The following PPP1R12B variants were observed in gnomAD, a reference collection of about 807,000 sequenced individuals.
PPP1R12B encodes the protein protein phosphatase 1 regulatory subunit 12B, also known as myosin phosphatase target subunit 2.
In PPP1R12B, 76 loss-of-function variants were observed where a neutral mutation model predicts 126.1. That is an observed-to-expected ratio of 0.60 (90% CI 0.50 to 0.73). PPP1R12B has a LOEUF of 0.73. Ranked by LOEUF, PPP1R12B falls within the 30% of genes least tolerant of loss-of-function variation. The pLI, the probability that PPP1R12B is intolerant of heterozygous loss-of-function variation, is 0.00. For synonymous variants in PPP1R12B, 356 were observed against 434.7 expected (o/e 0.82, Z 2.25); for missense variants, 1,052 against 1,205.1 (o/e 0.87, Z 1.88).
chr1:202,550,412 C>T (rs1244065896), intron 18 of PPP1R12B, among the ~76,000 whole-genome samples: 3 of 152,064 alleles, frequency 2.0e-5, no homozygotes, highest in Non-Finnish European at 4.4e-5. Flanking sequence ...TGGGGAGAGA[C>T]CTGGAATCTC....
chr1:202,528,729 T>G (rs72748790), intron 18 of PPP1R12B, among the ~76,000 whole-genome samples: 2,284 of 151,992 alleles, frequency 0.015, 22 homozygotes, highest in South Asian at 0.036. Flanking sequence ...GAAAGGTTTT[T>G]TTTTTGTTTT....
Position 202,590,732 on chromosome 1 carries a change from CG to C in PPP1R12B, c.*10177del. ...CAAGCAGAAGTGGGAATGAGAGGGCCGGGGGCAAGGGCTGTACATGTGTCCT... is the reference window on the plus strand; with the variant it reads ...CAAGCAGAAGTGGGAATGAGAGGGCCGGGGCAAGGGCTGTACATGTGTCCT... On this transcript the variant is annotated 3_prime_UTR_variant, in exon 24 of 24. Transcript: ENST00000608999. 1 of 151,786 alleles carries C rather than the reference CG, an allele frequency of 6.6e-6. No individual in the cohort carries two copies. Among genetic ancestry groups the C allele is most frequent in the Non-Finnish European group, 1.5e-5 (1 of 68,022 alleles). 9.4% of individuals were successfully genotyped at this position (151,786 alleles called of 1,614,324 possible).
chr1:202,387,800 A>G (rs1171505841), intron 1 of PPP1R12B, among the ~76,000 whole-genome samples: 1 of 152,178 alleles, frequency 6.6e-6, no homozygotes, highest in East Asian at 1.9e-4. Flanking sequence ...AGTTTAATCT[A>G]GTGTCGTAGG....
At chr1:202,369,017 C>G (rs987489789) in intron 1 of PPP1R12B, among the ~76,000 whole-genome samples, 1 of 152,146 alleles carries the variant, frequency 6.6e-6, no homozygotes, top group African/African-American at 2.4e-5. Flanking sequence ...TATGCCCAGC[C>G]AAGGAACCAT....
intron 9 of PPP1R12B, 145 bp downstream of exon 9, chr1:202,434,913 G>GA: frequency 7.2e-7 from 1 of 1,379,552 alleles, no homozygotes. Flanking sequence ...AAAAACACAG[G>GA]CTGGGTGGCT....
At chr1:202,418,268 C>T (rs1038953326) in intron 2 of PPP1R12B, among the ~76,000 whole-genome samples, 1 of 152,144 alleles carries the variant, frequency 6.6e-6, no homozygotes, top group African/African-American at 2.4e-5. Flanking sequence ...ATTTATAGAA[C>T]ATGTTGGCCT....
At chr1:202,349,833 T>C (rs1303385545) in intron 1 of PPP1R12B, among the ~76,000 whole-genome samples, 2 of 152,186 alleles carry the variant, frequency 1.3e-5, no homozygotes, top group Admixed American at 6.5e-5. Flanking sequence ...TATTTTTTTT[T>C]CTAAAGTGCT....
rs374022796 is a variant in PPP1R12B, at chr1:202,413,636, G to A, written c.292-3151G>A. ...CGTTACTAAGAAATTTTTAAAATATGTAGTTATTAAATATGTACTTATTAA... is the reference window on the plus strand; with the variant it reads ...CGTTACTAAGAAATTTTTAAAATATATAGTTATTAAATATGTACTTATTAA... On this transcript the variant is annotated intron_variant, in intron 1 of 23. Coordinates refer to ENST00000608999, the MANE Select transcript of PPP1R12B (RefSeq NM_002481.4). Among the ~76,000 whole-genome samples the A allele has an allele frequency of 2.0e-4, 31 of 152,150 alleles. No individual in the cohort carries two copies. The South Asian group carries it at 3.7e-3, about 18-fold the overall frequency.
At position 202,564,541 on chromosome 1, in the gene PPP1R12B, G is replaced by A. The variant is rs1473817661; in HGVS notation, c.2751G>A (p.Val917=). ...LADIKSKLEK[V]AQQKQEKTSD... ...ATATAAAGTCCAAGCTTGAGAAGGT[G>A]GCCCAGGTAAGACGGAAGAAGAAGA... is the stretch of plus-strand genomic sequence containing the variant. The change falls in exon 21 of 24, where the codon GTG becomes GTA. Residue 917 remains valine, a synonymous_variant. Coordinates refer to ENST00000608999, the MANE Select transcript of PPP1R12B (RefSeq NM_002481.4). 3 of 1,608,684 alleles carry A rather than the reference G, an allele frequency of 1.9e-6. No individual in the cohort carries two copies. Among genetic ancestry groups the A allele is most frequent in the Non-Finnish European group, 2.5e-6 (3 of 1,176,562 alleles).
chr1:202,430,896 C>T (rs1404720644), intron 7 of PPP1R12B, 86 bp downstream of exon 7: 3 of 1,516,738 alleles, frequency 2.0e-6, no homozygotes, highest in African/African-American at 1.4e-5. Context: ...AGTGAAGAAA[C>T]TCTGTGTTTG....
rs114150165 is a variant in PPP1R12B at position 202,378,458 on chromosome 1, C to T, written c.291+29316C>T. Reference sequence around the variant, plus strand: ...GTCATCGCAGACTTCCTAAATGCCACGCCTTATCATCCTTCTAATTCTTTT... The same window carrying T: ...GTCATCGCAGACTTCCTAAATGCCATGCCTTATCATCCTTCTAATTCTTTT... On this transcript the variant is annotated intron_variant, in intron 1 of 23. Coordinates refer to ENST00000608999, the MANE Select transcript of PPP1R12B (RefSeq NM_002481.4). Among the ~76,000 whole-genome samples the T allele has an allele frequency of 7.8e-3, 1,183 of 152,110 alleles. 9 individuals carry two copies. The highest frequency in any genetic ancestry group is 0.011 in the Non-Finnish European group (775 of 67,968).
chr1:202,367,829 C>A (rs1269263357), intron 1 of PPP1R12B, among the ~76,000 whole-genome samples: 2 of 152,072 alleles, frequency 1.3e-5, no homozygotes, highest in Non-Finnish European at 2.9e-5. Flanking sequence ...ATCTGTCCCC[C>A]GCAAATCTCA....
In PPP1R12B at chr1:202,588,407, C is replaced by G. The variant is rs936187047; in HGVS notation, c.*7847C>G. On this transcript the variant is annotated 3_prime_UTR_variant, in exon 24 of 24. Transcript: ENST00000608999. ...TGTATTTTTATGCAATTTTGAGTGG[C>G]CTTTCAACCCTAAGATGAATGGTTT... 2 of 152,522 alleles carry G rather than the reference C, an allele frequency of 1.3e-5. No homozygotes were observed. The highest frequency in any genetic ancestry group is 4.8e-5 in the African/African-American group (2 of 41,394). The allele number at this position is 152,522 out of a possible 1,614,324, so 9.4% of individuals were successfully genotyped here.
chr1:202,434,990 G>A (rs113838969), intron 9 of PPP1R12B, among the ~76,000 whole-genome samples: 95 of 152,296 alleles, frequency 6.2e-4, no homozygotes, highest in African/African-American at 2.1e-3. Flanking sequence ...GTACCAGCCA[G>A]TTCAGTTCCT....
chr1:202,577,867 C>A (rs907589575), intron 23 of PPP1R12B, among the ~76,000 whole-genome samples: 1 of 152,160 alleles, frequency 6.6e-6, no homozygotes, highest in Admixed American at 6.5e-5. Flanking sequence ...ATCTTTAACA[C>A]CAAATTGTGG....
Position 202,471,228 on chromosome 1 carries a change from C to G in PPP1R12B, c.1851-17305C>G, listed in dbSNP as rs74615506. Among the ~76,000 whole-genome samples the G allele has an allele frequency of 8.1e-3, 1,240 of 152,274 alleles. 19 individuals are homozygous for G. Among genetic ancestry groups the G allele is most frequent in the African/African-American group, 0.028 (1,161 of 41,548 alleles). On this transcript the variant is annotated intron_variant, in intron 13 of 23. Coordinates refer to ENST00000608999, the MANE Select transcript of PPP1R12B (RefSeq NM_002481.4). ...TGCACACATCATTCTGAAACTTGCT[C>G]TTGTCACTTAGCATTCTGTTTGTTC...
intron 13 of PPP1R12B, among the ~76,000 whole-genome samples, chr1:202,473,191 ACATGAG>A (rs1276069043): frequency 6.6e-6 from 1 of 152,216 alleles, no homozygotes; most frequent in African/African-American, 2.4e-5. Context: ...CAAAAATGAC[ACATGAG>A]CATTTGAATG....
At chr1:202,505,548 C>T (rs1225192659) in intron 18 of PPP1R12B, among the ~76,000 whole-genome samples, 2 of 152,106 alleles carry the variant, frequency 1.3e-5, no homozygotes, top group Non-Finnish European at 1.5e-5. Context: ...GTATTTTTGC[C>T]ATTCTCCTTT....
At chr1:202,394,256 GATCA>G (rs1467129022) in intron 1 of PPP1R12B, among the ~76,000 whole-genome samples, 1 of 151,662 alleles carries the variant, frequency 6.6e-6, no homozygotes, top group African/African-American at 2.4e-5. Flanking sequence ...TCGCAGCTGA[GATCA>G]TACCACTGCG....
Sources: allele counts gnomAD v4.1 joint callset (sites outside exome capture counted in the v4.1 genomes callset), GRCh38; gene constraint gnomAD v4.1.1; transcripts MANE v1.5; gene names NCBI Gene and HGNC (gene_info 2026-07-23, HGNC 2026-07-21).